The following N4BP1 variants were observed in gnomAD, a reference collection of about 807,000 sequenced individuals.
N4BP1 encodes NEDD4-binding protein 1.
In N4BP1, 21 loss-of-function variants were observed where a neutral mutation model predicts 70.9. The ratio of observed to expected loss-of-function variants is 0.30; its 90% CI spans 0.21 to 0.43. The LOEUF is 0.43. Ranked by LOEUF, N4BP1 falls within the 20% of genes least tolerant of loss-of-function variation. The pLI is 1.00. For missense variants in N4BP1, 936 were observed against 1,069.4 expected (o/e 0.88, Z 1.74); for synonymous variants, 387 against 394.6 (o/e 0.98, Z 0.23).
intron 1 of N4BP1, among the ~76,000 whole-genome samples, chr16:48,565,473 C>G (rs574597429): frequency 9.2e-5 from 14 of 152,300 alleles, no homozygotes; most frequent in African/African-American, 2.9e-4. Context: ...ACTGAACCAG[C>G]CTTGCATCCC....
At chr16:48,606,559 G>A (rs1195898253) in intron 1 of N4BP1, among the ~76,000 whole-genome samples, 2 of 152,212 alleles carry the variant, frequency 1.3e-5, no homozygotes, top group African/African-American at 2.4e-5. Context: ...GCCAGCTGAA[G>A]TACTGCTTTC....
chr16:48,566,555 C>A (rs1339328366), intron 1 of N4BP1, among the ~76,000 whole-genome samples: 1 of 152,102 alleles, frequency 6.6e-6, no homozygotes, highest in Non-Finnish European at 1.5e-5. Flanking sequence ...TTAGTTGGAT[C>A]TCTTTGTGGT....
intron 1 of N4BP1, among the ~76,000 whole-genome samples, chr16:48,582,704 G>C (rs185137876): frequency 6.6e-6 from 1 of 151,986 alleles, no homozygotes; most frequent in South Asian, 2.1e-4. Flanking sequence ...GAAAAAAAAC[G>C]TTGTATATAT....
At chr16:48,601,559 C>T (rs1443851206) in intron 1 of N4BP1, among the ~76,000 whole-genome samples, 1 of 152,052 alleles carries the variant, frequency 6.6e-6, no homozygotes, top group Non-Finnish European at 1.5e-5. Flanking sequence ...TCAAAAGATG[C>T]CATAATCACA....
chr16:48,600,367 T>C (rs1964476934), intron 1 of N4BP1: 3 of 757,570 alleles, frequency 4.0e-6, no homozygotes, highest in Non-Finnish European at 4.7e-6. Context: ...GATAATTCAT[T>C]TGAATATGAA....
intron 4 of N4BP1, among the ~76,000 whole-genome samples, chr16:48,549,044 T>A (rs1420558169): frequency 1.3e-5 from 2 of 152,112 alleles, no homozygotes; most frequent in Non-Finnish European, 2.9e-5. Context: ...ACCCTCTTAA[T>A]AAGAAATCTG....
chr16:48,581,407 G>A (rs1964172951), intron 1 of N4BP1, among the ~76,000 whole-genome samples: 1 of 152,084 alleles, frequency 6.6e-6, no homozygotes, highest in Non-Finnish European at 1.5e-5. Flanking sequence ...CAAAGTTTTA[G>A]AGCAATTAGG....
chr16:48,557,894 T>C (rs969390530), intron 2 of N4BP1, among the ~76,000 whole-genome samples: 1 of 152,210 alleles, frequency 6.6e-6, no homozygotes, highest in East Asian at 1.9e-4. Flanking sequence ...AGTTTCTTCA[T>C]GGAATCTAGT....
At chr16:48,601,768 G>A (rs1188528939) in intron 1 of N4BP1, among the ~76,000 whole-genome samples, 5 of 151,990 alleles carry the variant, frequency 3.3e-5, no homozygotes, top group African/African-American at 4.8e-5. Context: ...GGAGTGCAGG[G>A]GTACAATCAG....
intron 1 of N4BP1, among the ~76,000 whole-genome samples, chr16:48,594,304 AT>A (rs1964380022): frequency 1.3e-5 from 2 of 152,128 alleles, no homozygotes; most frequent in Admixed American, 6.5e-5. Flanking sequence ...GTGGGTTATC[AT>A]TTTGGTTAAA....
intron 1 of N4BP1, among the ~76,000 whole-genome samples, chr16:48,584,634 GTGTAGTGATACATGCC>G (rs1964217245): frequency 6.6e-6 from 1 of 152,162 alleles, no homozygotes; most frequent in South Asian, 2.1e-4. Flanking sequence ...CCCAGGCTGG[GTGTAGTGATACATGCC>G]TGTATTCCCA....
At chr16:48,606,355 T>C (rs953102604) in intron 1 of N4BP1, among the ~76,000 whole-genome samples, 1 of 152,232 alleles carries the variant, frequency 6.6e-6, no homozygotes, top group African/African-American at 2.4e-5. Flanking sequence ...GAAGATTCCA[T>C]GCTTCTCAAA....
intron 1 of N4BP1, among the ~76,000 whole-genome samples, chr16:48,569,035 A>C (rs1014617571): frequency 6.6e-6 from 1 of 152,158 alleles, no homozygotes; most frequent in African/African-American, 2.4e-5. Flanking sequence ...GCTGAAACTT[A>C]CTTTTTCTAA....
chr16:48,582,713 A>G (rs1964190204), intron 1 of N4BP1, among the ~76,000 whole-genome samples: 1 of 152,204 alleles, frequency 6.6e-6, no homozygotes, highest in Non-Finnish European at 1.5e-5. Context: ...CGTTGTATAT[A>G]TAGGACTCGG....
chr16:48,593,677 C>A (rs1249336289), intron 1 of N4BP1, among the ~76,000 whole-genome samples: 1 of 152,164 alleles, frequency 6.6e-6, no homozygotes, highest in Admixed American at 6.5e-5. Flanking sequence ...ACCTTATGGT[C>A]AAACTAACTA....
Position 48,543,233 on chromosome 16 carries a change from G to T in N4BP1, c.2362C>A (p.Pro788Thr). 1 of 1,547,128 alleles carries T rather than the reference G, an allele frequency of 6.5e-7. No homozygotes were observed. The change falls in exon 7 of 7, where the codon CCA becomes ACA. Residue 788 changes from proline to threonine, a missense_variant. By Grantham distance (38) the Pro-to-Thr change is conservative. Transcript: ENST00000262384. ...CTGGGGTCAAACATGCCCACATTTGGCAGGGCACTGAGTAGGGGCTGCATA... is the reference window on the plus strand; with the variant it reads ...CTGGGGTCAAACATGCCCACATTTGTCAGGGCACTGAGTAGGGGCTGCATA... ...RDMQPLLSAL[P>T]NVGMFDPSFR...
At chr16:48,552,919 G>A (rs1439717278) in intron 3 of N4BP1, among the ~76,000 whole-genome samples, 1 of 151,946 alleles carries the variant, frequency 6.6e-6, no homozygotes, top group African/African-American at 2.4e-5. Flanking sequence ...TGTTTAATGT[G>A]CTGGGCAAGT....
intron 6 of N4BP1, 38 bp downstream of exon 6, chr16:48,546,109 A>G (rs759401492): frequency 3.4e-5 from 46 of 1,338,686 alleles, no homozygotes; most frequent in Non-Finnish European, 4.9e-5. Context: ...GAATTGAAAT[A>G]GAAGTTTTAA....
intron 1 of N4BP1, among the ~76,000 whole-genome samples, chr16:48,567,364 G>A (rs755912525): frequency 8.6e-5 from 13 of 152,044 alleles, no homozygotes; most frequent in Non-Finnish European, 1.6e-4. Flanking sequence ...GCCCAGGCTT[G>A]AGTGCAGTGG....
Sources: gnomAD v4.1 joint callset for allele counts (sites outside exome capture counted in the v4.1 genomes callset) on GRCh38, gnomAD v4.1.1 for gene constraint, MANE v1.5 for transcripts, NCBI Gene and HGNC (gene_info 2026-07-23, HGNC 2026-07-21) for gene names.